GUCY1A1: variants seen among roughly 807,000 people sequenced by gnomAD.
The protein encoded by GUCY1A1 is guanylate cyclase soluble subunit alpha-1.
GUCY1A1 carries 48 observed loss-of-function variants against 64.5 expected under a neutral mutation model. That is an observed-to-expected ratio of 0.74 (90% CI 0.59 to 0.95). The LOEUF (loss-of-function observed/expected upper bound fraction) is 0.95, where lower values mean the gene tolerates loss of function less well. Among genes scored for constraint, GUCY1A1 ranks in the 40% least tolerant of loss-of-function variants. The pLI, the probability that GUCY1A1 is intolerant of heterozygous loss-of-function variation, is 0.00. For missense variants in GUCY1A1, 804 were observed against 825.3 expected (o/e 0.97, Z 0.32); for synonymous variants, 308 against 303.4 (o/e 1.02, Z -0.16).
At chr4:155,707,084 A>T (rs151264575) in intron 4 of GUCY1A1, among the ~76,000 whole-genome samples, 204 of 152,324 alleles carry the variant, frequency 1.3e-3, no homozygotes, top group African/African-American at 4.8e-3. Context: ...AAGAAGCAAA[A>T]GATTCTATGT....
chr4:155,705,285 C>T (rs994706727), intron 4 of GUCY1A1, among the ~76,000 whole-genome samples: 21 of 152,146 alleles, frequency 1.4e-4, no homozygotes, highest in African/African-American at 4.1e-4. Flanking sequence ...GGGCCAGGCA[C>T]GGTGGCAAAT....
At chr4:155,699,917 C>G (rs1730866491) in intron 3 of GUCY1A1, among the ~76,000 whole-genome samples, 1 of 152,120 alleles carries the variant, frequency 6.6e-6, no homozygotes, top group Non-Finnish European at 1.5e-5. Flanking sequence ...AGGTCGTTCT[C>G]AAGTAATGGA....
chr4:155,700,700 T>C (rs1457467278), intron 3 of GUCY1A1, among the ~76,000 whole-genome samples: 3 of 152,166 alleles, frequency 2.0e-5, no homozygotes, highest in Non-Finnish European at 4.4e-5. Flanking sequence ...AATCAGAAAG[T>C]CCACAATCTA....
intron 9 of GUCY1A1, among the ~76,000 whole-genome samples, chr4:155,723,954 A>C (rs2126963985): frequency 6.6e-6 from 1 of 152,110 alleles, no homozygotes; most frequent in East Asian, 1.9e-4. Context: ...GAGCCAATGC[A>C]CCTGGTCTTC....
chr4:155,702,381 G>A (rs1731202435), intron 3 of GUCY1A1, among the ~76,000 whole-genome samples: 1 of 152,152 alleles, frequency 6.6e-6, no homozygotes, highest in Non-Finnish European at 1.5e-5. Context: ...GATGGTTCTT[G>A]AAATATTTAA....
At chr4:155,674,969 C>T (rs781084404) in intron 2 of GUCY1A1, among the ~76,000 whole-genome samples, 9 of 151,464 alleles carry the variant, frequency 5.9e-5, no homozygotes, top group South Asian at 2.1e-4. Flanking sequence ...AACATCTCCA[C>T]GAGCATTTCA....
intron 2 of GUCY1A1, among the ~76,000 whole-genome samples, chr4:155,693,626 G>T (rs1730043468): frequency 6.6e-6 from 1 of 152,084 alleles, no homozygotes; most frequent in Non-Finnish European, 1.5e-5. Flanking sequence ...GATGAAGAAT[G>T]CTAATTAGTT....
At chr4:155,681,507 T>C (rs1735769335) in intron 2 of GUCY1A1, among the ~76,000 whole-genome samples, 1 of 152,210 alleles carries the variant, frequency 6.6e-6, no homozygotes, top group African/African-American at 2.4e-5. Flanking sequence ...CTACTATTCT[T>C]ATTCAAAATT....
intron 2 of GUCY1A1, among the ~76,000 whole-genome samples, chr4:155,682,681 AAAAAG>A (rs1251928764): frequency 1.4e-5 from 2 of 145,114 alleles, no homozygotes; most frequent in Non-Finnish European, 3.0e-5. Flanking sequence ...CAAAAGAAAA[AAAAAG>A]AAAAGAAAAT....
rs748382261 is a variant in GUCY1A1, at chr4:155,731,032, G to T, written c.*801G>T. On this transcript the variant is annotated 3_prime_UTR_variant, in exon 10 of 10. Transcript: ENST00000506455. ...TAGCAAAGTATTCAGAATAAAAGAG[G>T]TTTATATCTTCTATTAAAATGCAGT... is the stretch of plus-strand genomic sequence containing the variant. 6.5e-6 allele frequency: 1 copy of T among 153,236 alleles called. No homozygotes were observed. The highest frequency in any genetic ancestry group is 1.5e-5 in the Non-Finnish European group (1 of 67,826). 9.5% of individuals were successfully genotyped at this position (153,236 alleles called of 1,614,324 possible).
At position 155,737,003 on chromosome 4, in the gene GUCY1A1, T is replaced by C. The variant is rs1160394388; in HGVS notation, c.*6772T>C. Reference sequence around the variant, plus strand: ...TGTCTCAGAAGCTTGTTAGTTATTGTGCCACCTAAATATTGTAATAAAAGT... The same window carrying C: ...TGTCTCAGAAGCTTGTTAGTTATTGCGCCACCTAAATATTGTAATAAAAGT... On this transcript the variant is annotated 3_prime_UTR_variant, in exon 10 of 10. Transcript: ENST00000506455. 1.3e-5 allele frequency: 2 copies of C among 152,006 alleles called. No homozygotes were observed. Among genetic ancestry groups the C allele is most frequent in the African/African-American group, 4.8e-5 (2 of 41,416 alleles). 9.4% of individuals were successfully genotyped at this position (152,006 alleles called of 1,614,324 possible).
intron 2 of GUCY1A1, among the ~76,000 whole-genome samples, chr4:155,668,659 T>C (rs1470198977): frequency 1.3e-5 from 2 of 152,228 alleles, no homozygotes; most frequent in Non-Finnish European, 2.9e-5. Flanking sequence ...TCTGTTGCTT[T>C]TCCTAAAATT....
intron 2 of GUCY1A1, among the ~76,000 whole-genome samples, chr4:155,674,610 G>T (rs1254609530): frequency 6.6e-6 from 1 of 150,934 alleles, no homozygotes; most frequent in African/African-American, 2.5e-5. Context: ...ACACACCTTA[G>T]CATGGACCTA....
chr4:155,690,479 A>C (rs1022048872), intron 2 of GUCY1A1, among the ~76,000 whole-genome samples: 12 of 152,196 alleles, frequency 7.9e-5, no homozygotes, highest in Non-Finnish European at 1.5e-4. Flanking sequence ...TTAGTTATTT[A>C]GTTGATTGCC....
chr4:155,704,022 C>T, intron 4 of GUCY1A1, 29 bp downstream of exon 4: 1 of 1,371,106 alleles, frequency 7.3e-7, no homozygotes, highest in African/African-American at 1.4e-5. Context: ...GTTGTGTGAA[C>T]CTCTTATTAC....
intron 3 of GUCY1A1, among the ~76,000 whole-genome samples, chr4:155,701,961 A>C (rs183596988): frequency 6.6e-6 from 1 of 152,314 alleles, no homozygotes; most frequent in Admixed American, 6.5e-5. Context: ...TCACAGATAA[A>C]ATTTTATAGA....
intron 2 of GUCY1A1, among the ~76,000 whole-genome samples, chr4:155,691,414 G>T (rs1233226663): frequency 6.6e-6 from 1 of 152,154 alleles, no homozygotes; most frequent in Non-Finnish European, 1.5e-5. Context: ...TATTTTAAAA[G>T]ACTGGTTTAT....
chr4:155,675,153 T>TC (rs1734727464), intron 2 of GUCY1A1, among the ~76,000 whole-genome samples: 1 of 151,606 alleles, frequency 6.6e-6, no homozygotes, highest in African/African-American at 2.4e-5. Flanking sequence ...TGCTTATTTT[T>TC]CTCCATTTGC....
intron 2 of GUCY1A1, among the ~76,000 whole-genome samples, chr4:155,689,783 C>T (rs956533087): frequency 2.0e-5 from 3 of 152,118 alleles, no homozygotes; most frequent in Non-Finnish European, 4.4e-5. Flanking sequence ...GGTTGCCACC[C>T]GGCGAGTCGG....
Sources: allele counts gnomAD v4.1 joint callset (sites outside exome capture counted in the v4.1 genomes callset), GRCh38; gene constraint gnomAD v4.1.1; transcripts MANE v1.5; gene names NCBI Gene and HGNC (gene_info 2026-07-23, HGNC 2026-07-21).